The following KCNQ5 variants were observed in gnomAD, a reference collection of about 807,000 sequenced individuals.
KCNQ5 encodes potassium voltage-gated channel subfamily Q member 5.
In KCNQ5, 30 loss-of-function variants were observed where a neutral mutation model predicts 98.2. The observed-to-expected ratio is 0.31, with a 90% CI of 0.23 to 0.41. The LOEUF (loss-of-function observed/expected upper bound fraction) is 0.41. Ranked by LOEUF, KCNQ5 falls within the 10% of genes least tolerant of loss-of-function variation. The pLI is 1.00. For synonymous variants in KCNQ5, 458 were observed against 449.4 expected (o/e 1.02, Z -0.24); for missense variants, 835 against 1,182.5 (o/e 0.71, Z 4.31).
chr6:72,984,122 G>A lies in KCNQ5; in HGVS notation c.399-19786G>A, dbSNP rs553967182. ...CATCGGGCTGTATGAGGTGTCAGTC[G>A]GCCCCTACTGGGAGCTGTCTCCCAG... On this transcript the variant is annotated intron_variant, in intron 1 of 13. Coordinates refer to ENST00000370398, the MANE Select transcript of KCNQ5 (RefSeq NM_019842.4). Among the ~76,000 whole-genome samples, 83 of 152,264 alleles carry A rather than the reference G, an allele frequency of 5.5e-4. No homozygotes were observed. In the South Asian group the frequency reaches 7.3e-3, roughly 13 times the overall value.
At chr6:72,877,319 GT>G (rs1778446649) in intron 1 of KCNQ5, among the ~76,000 whole-genome samples, 2 of 152,016 alleles carry the variant, frequency 1.3e-5, no homozygotes. Context: ...GTAGTATTTG[GT>G]TTTCTGTTCC....
At chr6:73,160,567 A>T (rs975191465) in intron 10 of KCNQ5, among the ~76,000 whole-genome samples, 1 of 152,140 alleles carries the variant, frequency 6.6e-6, no homozygotes, top group African/African-American at 2.4e-5. Context: ...TTATCAAAGG[A>T]TTTTTAAATT....
intron 1 of KCNQ5, among the ~76,000 whole-genome samples, chr6:73,003,514 C>G (rs561825864): frequency 6.6e-6 from 1 of 152,066 alleles, no homozygotes; most frequent in Admixed American, 6.6e-5. Flanking sequence ...GAGACAGACT[C>G]GGCTCCTTTG....
At chr6:72,979,931 G>C (rs138042819) in intron 1 of KCNQ5, among the ~76,000 whole-genome samples, 3 of 152,120 alleles carry the variant, frequency 2.0e-5, no homozygotes, top group Non-Finnish European at 4.4e-5. Context: ...ATTAAATAGG[G>C]AATTCTTTCC....
intron 1 of KCNQ5, among the ~76,000 whole-genome samples, chr6:72,778,632 G>A (rs919969423): frequency 6.6e-6 from 1 of 152,016 alleles, no homozygotes; most frequent in African/African-American, 2.4e-5. Context: ...AACTATGTGA[G>A]ATGATAGATA....
intron 1 of KCNQ5, among the ~76,000 whole-genome samples, chr6:72,711,375 A>G (rs972792195): frequency 9.2e-5 from 14 of 152,170 alleles, no homozygotes; most frequent in Admixed American, 9.2e-4. Flanking sequence ...CCATTTTGTT[A>G]TGGCAGCAGT....
chr6:72,849,094 G>T (rs111623874), intron 1 of KCNQ5, among the ~76,000 whole-genome samples: 1 of 149,670 alleles, frequency 6.7e-6, no homozygotes, highest in Non-Finnish European at 1.5e-5. Context: ...CTTTTTAATG[G>T]CTGAGTAGCG....
chr6:72,707,004 T>C (rs113813394), intron 1 of KCNQ5, among the ~76,000 whole-genome samples: 2,035 of 152,316 alleles, frequency 0.013, 33 homozygotes, highest in African/African-American at 0.042. Context: ...TTGGTTTTTA[T>C]ATCAGGGACA....
chr6:72,974,428 G>A (rs909810503), intron 1 of KCNQ5, among the ~76,000 whole-genome samples: 9 of 150,886 alleles, frequency 6.0e-5, no homozygotes, highest in African/African-American at 2.2e-4. Context: ...GCAAGAAGTG[G>A]AAAATAACGC....
chr6:72,845,761 T>A (rs903581632), intron 1 of KCNQ5, among the ~76,000 whole-genome samples: 4 of 152,196 alleles, frequency 2.6e-5, no homozygotes, highest in African/African-American at 9.7e-5. Flanking sequence ...TCACTATTAT[T>A]TTTATTTGAA....
intron 1 of KCNQ5, among the ~76,000 whole-genome samples, chr6:72,966,002 G>A (rs895112841): frequency 9.9e-5 from 15 of 152,278 alleles, no homozygotes; most frequent in Middle Eastern, 3.4e-3. Flanking sequence ...AAGGCCGTGT[G>A]CTGGAGCAGA....
intron 1 of KCNQ5, among the ~76,000 whole-genome samples, chr6:72,941,486 C>T (rs1246139194): frequency 1.7e-5 from 2 of 119,738 alleles, no homozygotes. Context: ...TTCCCTCCCT[C>T]CCTTCTTTCC....
intron 1 of KCNQ5, among the ~76,000 whole-genome samples, chr6:72,924,248 T>A (rs986335857): frequency 1.3e-5 from 2 of 152,168 alleles, no homozygotes; most frequent in Non-Finnish European, 2.9e-5. Flanking sequence ...TCATGACAGA[T>A]TTTTTTAGTT....
intron 2 of KCNQ5, among the ~76,000 whole-genome samples, chr6:73,033,165 A>G (rs1771227892): frequency 6.6e-6 from 1 of 152,150 alleles, no homozygotes; most frequent in South Asian, 2.1e-4. Flanking sequence ...GGGGTAAACC[A>G]GGAATGTCCT....
chr6:72,707,696 G>A (rs939576536), intron 1 of KCNQ5, among the ~76,000 whole-genome samples: 2 of 152,144 alleles, frequency 1.3e-5, no homozygotes, highest in African/African-American at 2.4e-5. Context: ...ATGTGCACAT[G>A]TTTAACCATT....
At chr6:72,835,872 G>T (rs1582384305) in intron 1 of KCNQ5, among the ~76,000 whole-genome samples, 1 of 152,020 alleles carries the variant, frequency 6.6e-6, no homozygotes, top group Non-Finnish European at 1.5e-5. Flanking sequence ...TACATCTATT[G>T]TGTCTTCATA....
At chr6:72,816,266 A>G (rs1369179617) in intron 1 of KCNQ5, among the ~76,000 whole-genome samples, 1 of 152,208 alleles carries the variant, frequency 6.6e-6, no homozygotes, top group Non-Finnish European at 1.5e-5. Context: ...AGTAAGGGTC[A>G]AAGGCATGCT....
intron 1 of KCNQ5, among the ~76,000 whole-genome samples, chr6:72,633,691 A>G (rs1362663723): frequency 6.6e-6 from 1 of 152,230 alleles, no homozygotes; most frequent in Non-Finnish European, 1.5e-5. Flanking sequence ...AAACAGACAC[A>G]TAGATCAATG....
rs555269146 is a variant in KCNQ5 at position 72,981,905 on chromosome 6, G to A, written c.399-22003G>A. On this transcript the variant is annotated intron_variant, in intron 1 of 13. Coordinates refer to ENST00000370398, the MANE Select transcript of KCNQ5 (RefSeq NM_019842.4). ...ACATCTTTATTTCTGCCTTCATTTC[G>A]TTATTTACCCAGTAGTCGTTCAGGA... Among the ~76,000 whole-genome samples, 7 of 152,172 alleles carry A rather than the reference G, an allele frequency of 4.6e-5. 1 individual carries two copies. The South Asian group carries it at 1.0e-3, about 23-fold the overall frequency.
Sources: gnomAD v4.1 joint callset for allele counts (sites outside exome capture counted in the v4.1 genomes callset) on GRCh38, gnomAD v4.1.1 for gene constraint, MANE v1.5 for transcripts, NCBI Gene and HGNC (gene_info 2026-07-23, HGNC 2026-07-21) for gene names.